DHX8: variants seen among roughly 807,000 people sequenced by gnomAD.
DHX8 encodes DEAH-box helicase 8.
Under a neutral mutation model 140.7 loss-of-function variants are expected in DHX8, and 67 were observed. The ratio of observed to expected loss-of-function variants is 0.48; its 90% CI spans 0.39 to 0.58. The LOEUF (loss-of-function observed/expected upper bound fraction) is 0.58. DHX8 is among the 20% of genes least tolerant of loss of function. The pLI, the probability that DHX8 is intolerant of heterozygous loss-of-function variation, is 0.00. For synonymous variants in DHX8, 533 were observed against 553.2 expected (o/e 0.96, Z 0.51); for missense variants, 887 against 1,550.7 (o/e 0.57, Z 7.19).
At chr17:43,533,285 C>G (rs141658391) in intron 2 of DHX8, 1 of 1,613,838 alleles carries the variant, frequency 6.2e-7, no homozygotes, top group Non-Finnish European at 8.5e-7. Flanking sequence ...GCTGTAGGGG[C>G]GACTGTCCAA....
chr17:43,513,341 C>T, intron 16 of DHX8, 21 bp from the exon 17 acceptor site: 1 of 1,610,968 alleles, frequency 6.2e-7, no homozygotes, highest in South Asian at 1.1e-5. Flanking sequence ...CTCACTCCAG[C>T]TTTGCCCCTC....
chr17:43,484,334 G>C, intron 1 of DHX8, 149 bp downstream of exon 1: 1 of 951,058 alleles, frequency 1.1e-6, no homozygotes. Flanking sequence ...CAGGGTACAC[G>C]CTGCCGTGGC....
intron 16 of DHX8, among the ~76,000 whole-genome samples, chr17:43,511,324 C>CA (rs1423219488): frequency 3.3e-5 from 5 of 152,206 alleles, no homozygotes; most frequent in African/African-American, 7.2e-5. Context: ...GCAAAACTAT[C>CA]TCAAAAGGAA....
chr17:43,498,928 G>A lies in DHX8; in HGVS notation c.1367G>A (p.Ser456Asn). Residue 456 changes from serine (S) to asparagine (N), a missense_variant, in exon 10 of 23, where the codon AGC becomes AAC. Transcript: ENST00000262415. ...PPFLRGHTKQSMDMSPIKIVK... is the reference protein window; with the variant it reads ...PPFLRGHTKQNMDMSPIKIVK... ...TTCCTGAGAGGGCACACTAAGCAAA[G>A]CATGGACATGAGCCCCATTAAAATT... 6.3e-7 allele frequency: 1 copy of A among 1,587,178 alleles called. No homozygotes were observed. Among genetic ancestry groups the A allele is most frequent in the Non-Finnish European group, 8.5e-7 (1 of 1,171,852 alleles).
At chr17:43,526,313 A>AC (rs1970614483), downstream of DHX8, 1 of 1,419,008 alleles carries the variant, frequency 7.0e-7, no homozygotes, top group Non-Finnish European at 9.2e-7. Flanking sequence ...GTTCACCCCC[A>AC]CCCCGCGAGA....
intron 9 of DHX8, among the ~76,000 whole-genome samples, 198 bp from the exon 10 acceptor site, chr17:43,498,664 A>G (rs1334873067): frequency 4.0e-5 from 6 of 151,758 alleles, no homozygotes; most frequent in South Asian, 4.2e-4. Flanking sequence ...GACCAGTCTG[A>G]TCTCAAACTC....
At chr17:43,519,109 A>C (rs1171284474) in intron 18 of DHX8, 1 of 152,132 alleles carries the variant, frequency 6.6e-6, no homozygotes, top group African/African-American at 2.4e-5. Flanking sequence ...GTTCTTTTGG[A>C]TATATACCTA....
rs1459843908 is a variant in DHX8 at position 43,504,836 on chromosome 17, T to G, written c.1728+11T>G. 4 of 1,609,038 alleles carry G rather than the reference T, an allele frequency of 2.5e-6. No homozygotes were observed. Among genetic ancestry groups the G allele is most frequent in the Non-Finnish European group, 3.4e-6 (4 of 1,177,840 alleles). On this transcript the variant is annotated intron_variant, in intron 12 of 22. Coordinates refer to ENST00000262415, the MANE Select transcript of DHX8 (RefSeq NM_004941.3). ...GAGCAATTGGTCCAGGTGAGAAGAC[T>G]TTTATGATGTATTGGTGGGGAGTAG...
chr17:43,537,235 G>A (rs1015073085), intron 3 of DHX8, among the ~76,000 whole-genome samples: 1 of 151,986 alleles, frequency 6.6e-6, no homozygotes, highest in African/African-American at 2.4e-5. Flanking sequence ...TCGTGTTGGC[G>A]GGAGCCTATA....
In DHX8 at chr17:43,521,956, G is replaced by A. The variant is rs370554913; in HGVS notation, c.3264-91G>A. 1.1e-3 allele frequency: 1,495 copies of A among 1,399,348 alleles called. 30 individuals carry two copies. The South Asian group carries it at 0.018, about 17-fold the overall frequency. The allele number at this position is 1,399,348 out of a possible 1,614,324, so 86.7% of individuals were successfully genotyped here. ...AGGAAGGTCCTGGTGACTACTCTGG[G>A]CACCCCAAGATGGATGTGTTGGGCA... On this transcript the variant is annotated intron_variant, in intron 21 of 22. Transcript: ENST00000262415.
chr17:43,499,046 T>A lies in DHX8; in HGVS notation c.1398+87T>A, dbSNP rs531555236. On this transcript the variant is annotated intron_variant, in intron 10 of 22. Coordinates refer to ENST00000262415, the MANE Select transcript of DHX8 (RefSeq NM_004941.3). ...GGTCAGGTTATTAGATCTGCGTAAG[T>A]AGAACTTGGGCCACAGAAAGTATTA... is the stretch of plus-strand genomic sequence containing the variant. 4.5e-5 allele frequency: 44 copies of A among 983,574 alleles called. No individual in the cohort carries two copies. The African/African-American group carries it at 6.9e-4, about 15-fold the overall frequency. 60.9% of individuals were successfully genotyped at this position (983,574 alleles called of 1,614,324 possible).
Position 43,492,939 on chromosome 17 carries a change from G to C in DHX8, c.762G>C (p.Val254=), listed in dbSNP as rs139381870. The C allele has an allele frequency of 1.1e-4, 183 of 1,614,188 alleles. No homozygotes were observed. In the African/African-American group the frequency reaches 2.2e-3, roughly 20 times the overall value. Residue 254 remains valine (V), a synonymous_variant, in exon 6 of 23, where the codon GTG becomes GTC. Coordinates refer to ENST00000262415, the MANE Select transcript of DHX8 (RefSeq NM_004941.3). ...RNLDRWRDKH[V]DRPPPEEPTI... ...TGGATAGATGGCGGGATAAGCATGT[G>C]GACCGCCCTCCTCCAGAAGAGCCCA...
At chr17:43,490,807 G>C (rs572028419) in intron 3 of DHX8, among the ~76,000 whole-genome samples, 2 of 152,150 alleles carry the variant, frequency 1.3e-5, no homozygotes, top group African/African-American at 2.4e-5. Context: ...CCAAAAGGGT[G>C]AAGCTGCAGT....
At chr17:43,498,364 C>T (rs1318350445) in intron 9 of DHX8, among the ~76,000 whole-genome samples, 1 of 151,882 alleles carries the variant, frequency 6.6e-6, no homozygotes, top group Non-Finnish European at 1.5e-5. Context: ...CCAGGCTGGT[C>T]TGGAACTCTT....
At chr17:43,521,330 G>A in intron 20 of DHX8, 39 bp from the exon 21 acceptor site, 3 of 1,548,990 alleles carry the variant, frequency 1.9e-6, no homozygotes, top group South Asian at 1.2e-5. Context: ...GTTAGTAGCT[G>A]TTGAGTCGGA....
At chr17:43,544,718 C>T (rs1184883696), downstream of DHX8, 1 of 393,204 alleles carries the variant, frequency 2.5e-6, no homozygotes, top group Non-Finnish European at 4.7e-6. Context: ...GCAAATACCC[C>T]ACACAATGGT....
chr17:43,525,776 C>T (rs1234130988), downstream of DHX8: 4 of 985,692 alleles, frequency 4.1e-6, no homozygotes, highest in East Asian at 1.1e-4. Context: ...GGCTCCCAGT[C>T]CTAATTCCAG....
rs760487171 is a variant in DHX8, at chr17:43,508,335, G to A, written c.2321-4G>A. The A allele has an allele frequency of 1.4e-5, 23 of 1,610,416 alleles. No individual in the cohort carries two copies. The highest frequency in any genetic ancestry group is 1.7e-5 in the Admixed American group (1 of 59,656). ...AGTAGATGAATGTTCTATTCTGCTC[G>A]TAGGTGATATCCTGGTCTTCCTGAC... On this transcript the variant is annotated splice_region_variant and splice_polypyrimidine_tract_variant and intron_variant, in intron 15 of 22. Transcript: ENST00000262415.
chr17:43,503,634 GC>G (rs1363090416), intron 11 of DHX8, among the ~76,000 whole-genome samples: 1 of 152,108 alleles, frequency 6.6e-6, no homozygotes, highest in Non-Finnish European at 1.5e-5. Context: ...CTGCACTCCA[GC>G]CTGCTGGGCG....
Sources: gnomAD v4.1 joint callset for allele counts (sites outside exome capture counted in the v4.1 genomes callset) on GRCh38, gnomAD v4.1.1 for gene constraint, MANE v1.5 for transcripts, NCBI Gene and HGNC (gene_info 2026-07-23, HGNC 2026-07-21) for gene names.